The following PRKCA variants were observed in gnomAD, a reference collection of about 807,000 sequenced individuals.
PRKCA encodes the protein protein kinase C alpha type.
PRKCA carries 27 observed loss-of-function variants against 87.0 expected under a neutral mutation model. The observed-to-expected ratio is 0.31, with a 90% CI of 0.23 to 0.43. The LOEUF is 0.43. Ranked by LOEUF, PRKCA falls within the 20% of genes least tolerant of loss-of-function variation. The pLI is 1.00. For missense variants in PRKCA, 518 were observed against 852.3 expected (o/e 0.61, Z 4.88); for synonymous variants, 329 against 311.1 (o/e 1.06, Z -0.61).
At chr17:66,776,718 G>A (rs1975059083) in intron 14 of PRKCA, among the ~76,000 whole-genome samples, 1 of 152,238 alleles carries the variant, frequency 6.6e-6, no homozygotes, top group Non-Finnish European at 1.5e-5. Flanking sequence ...GAGAGATCTA[G>A]TGCACTCTTT....
chr17:66,506,661 G>A (rs1916995792), intron 3 of PRKCA, among the ~76,000 whole-genome samples: 1 of 152,060 alleles, frequency 6.6e-6, no homozygotes, highest in Non-Finnish European at 1.5e-5. Context: ...TCATTATTAC[G>A]GCTGATGCTG....
chr17:66,497,211 C>A (rs1031479457), intron 3 of PRKCA, among the ~76,000 whole-genome samples: 32 of 152,222 alleles, frequency 2.1e-4, no homozygotes, highest in African/African-American at 7.7e-4. Flanking sequence ...AAAATGGGAT[C>A]CACAGGCCGG....
intron 3 of PRKCA, among the ~76,000 whole-genome samples, chr17:66,613,588 C>T (rs540588729): frequency 2.0e-5 from 3 of 152,166 alleles, no homozygotes; most frequent in African/African-American, 7.2e-5. Flanking sequence ...TCCTTCCTTG[C>T]CTCTTCCTGG....
At chr17:66,651,594 T>C (rs1399145724) in intron 5 of PRKCA, among the ~76,000 whole-genome samples, 1 of 152,228 alleles carries the variant, frequency 6.6e-6, no homozygotes, top group African/African-American at 2.4e-5. Context: ...ACCAAGCTCC[T>C]TATTTAAAGG....
At chr17:66,566,480 GTTTTTTTTTTT>G (rs56912157) in intron 3 of PRKCA, among the ~76,000 whole-genome samples, 1 of 97,022 alleles carries the variant, frequency 1.0e-5, no homozygotes, top group Non-Finnish European at 2.0e-5. Context: ...TTGTTTTTTG[GTTTTTTTTTTT>G]TTTTTTTTTT....
At chr17:66,651,989 C>T (rs1971602295) in intron 5 of PRKCA, among the ~76,000 whole-genome samples, 1 of 152,154 alleles carries the variant, frequency 6.6e-6, no homozygotes, top group Non-Finnish European at 1.5e-5. Context: ...GACACAGTCT[C>T]ACTCTGTCAC....
At chr17:66,568,501 G>T (rs1256930636) in intron 3 of PRKCA, among the ~76,000 whole-genome samples, 2 of 152,040 alleles carry the variant, frequency 1.3e-5, no homozygotes, top group African/African-American at 4.8e-5. Flanking sequence ...GGTACTGGAG[G>T]CCAGGAAGGC....
At chr17:66,554,548 C>T (rs1466861942) in intron 3 of PRKCA, 18 of 966,300 alleles carry the variant, frequency 1.9e-5, no homozygotes, top group Non-Finnish European at 2.2e-5. Context: ...TAGTCTGCCT[C>T]TACCTTTTGA....
At chr17:66,773,737 T>C (rs111357524) in intron 13 of PRKCA, among the ~76,000 whole-genome samples, 60 of 152,248 alleles carry the variant, frequency 3.9e-4, no homozygotes, top group African/African-American at 1.3e-3. Flanking sequence ...CTTCAGACAG[T>C]GCTGTGGCAT....
chr17:66,461,220 A>G (rs1030051786), intron 2 of PRKCA, among the ~76,000 whole-genome samples: 8 of 151,380 alleles, frequency 5.3e-5, no homozygotes, highest in African/African-American at 1.9e-4. Flanking sequence ...AAAAAAAAAA[A>G]AAAGAAAAGA....
chr17:66,351,867 C>T (rs996577377), intron 2 of PRKCA, among the ~76,000 whole-genome samples: 2 of 152,036 alleles, frequency 1.3e-5, no homozygotes, highest in Non-Finnish European at 2.9e-5. Flanking sequence ...GCTCTTTCAC[C>T]CCGAGAACCC....
intron 5 of PRKCA, among the ~76,000 whole-genome samples, chr17:66,674,622 G>A (rs998143704): frequency 1.3e-5 from 2 of 152,206 alleles, no homozygotes; most frequent in Non-Finnish European, 2.9e-5. Context: ...CATTTAGATA[G>A]AGGTGTTCAA....
intron 14 of PRKCA, among the ~76,000 whole-genome samples, chr17:66,777,007 C>A (rs1975069605): frequency 6.6e-6 from 1 of 152,250 alleles, no homozygotes; most frequent in South Asian, 2.1e-4. Context: ...CTCCTGAAAT[C>A]TTATTGGGAA....
At chr17:66,730,774 C>G (rs1005485092) in intron 8 of PRKCA, among the ~76,000 whole-genome samples, 3 of 152,192 alleles carry the variant, frequency 2.0e-5, no homozygotes, top group African/African-American at 4.8e-5. Flanking sequence ...CTGCTGAATT[C>G]CTGTATCAGC....
intron 4 of PRKCA, among the ~76,000 whole-genome samples, chr17:66,644,176 A>G (rs964480345): frequency 1.3e-5 from 2 of 152,246 alleles, no homozygotes; most frequent in Non-Finnish European, 2.9e-5. Flanking sequence ...ATAGAAGCCT[A>G]ATAGCATCCA....
At chr17:66,738,336 G>T (rs950325751) in intron 10 of PRKCA, among the ~76,000 whole-genome samples, 8 of 152,166 alleles carry the variant, frequency 5.3e-5, no homozygotes, top group African/African-American at 1.4e-4. Context: ...AGTATGGCAC[G>T]CCTCCCAGAC....
chr17:66,317,161 A>G (rs946028877), intron 2 of PRKCA, among the ~76,000 whole-genome samples: 1 of 151,372 alleles, frequency 6.6e-6, no homozygotes, highest in Non-Finnish European at 1.5e-5. Flanking sequence ...AAAAAAAATC[A>G]GTAACACTTT....
At chr17:66,663,776 T>C (rs1277279735) in intron 5 of PRKCA, among the ~76,000 whole-genome samples, 1 of 152,282 alleles carries the variant, frequency 6.6e-6, no homozygotes, top group East Asian at 1.9e-4. Context: ...GGCCCTCCCT[T>C]TCTCCTTTTA....
chr17:66,336,752 GTT>G (rs1223632683), intron 2 of PRKCA, among the ~76,000 whole-genome samples: 1 of 102,422 alleles, frequency 9.8e-6, no homozygotes, highest in East Asian at 2.6e-4. Flanking sequence ...CTGCAAATAA[GTT>G]TGTGTGTGTG....
Sources: allele counts gnomAD v4.1 joint callset (sites outside exome capture counted in the v4.1 genomes callset), GRCh38; gene constraint gnomAD v4.1.1; transcripts MANE v1.5; gene names NCBI Gene and HGNC (gene_info 2026-07-23, HGNC 2026-07-21).